MKNK1: variants seen among roughly 807,000 people sequenced by gnomAD.
MKNK1 encodes the protein MAP kinase-interacting serine/threonine-protein kinase 1.
MKNK1 carries 30 observed loss-of-function variants against 49.3 expected under a neutral mutation model. The observed-to-expected ratio is 0.61, with a 90% CI of 0.46 to 0.83. MKNK1 has a LOEUF of 0.83. Ranked by LOEUF, MKNK1 falls within the 40% of genes least tolerant of loss-of-function variation. The pLI, the probability that MKNK1 is intolerant of heterozygous loss-of-function variation, is 0.00. For missense variants in MKNK1, 423 were observed against 524.7 expected (o/e 0.81, Z 1.89); for synonymous variants, 176 against 201.7 (o/e 0.87, Z 1.08).
intron 9 of MKNK1, among the ~76,000 whole-genome samples, chr1:46,563,773 T>C (rs965014053): frequency 5.9e-5 from 9 of 152,006 alleles, no homozygotes; most frequent in Non-Finnish European, 1.5e-5. Context: ...GGGCCAGGCG[T>C]GGTGGCTCAC....
intron 2 of MKNK1, among the ~76,000 whole-genome samples, chr1:46,588,591 A>C (rs1283416177): frequency 6.6e-6 from 1 of 152,074 alleles, no homozygotes; most frequent in African/African-American, 2.4e-5. Flanking sequence ...GCGGATCACG[A>C]GGTCAGGAGA....
Position 46,587,742 on chromosome 1 carries a change from C to T in MKNK1, c.-2-4413G>A, listed in dbSNP as rs180728069. On this transcript the variant is annotated intron_variant, in intron 2 of 12. Transcript: ENST00000371945. ...TGAGGCAGGAGAATTGCTTGAACCC[C>T]GGAGGCGGAGGTTGCGGTGAACTGA... Among the ~76,000 whole-genome samples, 837 of 152,008 alleles carry T rather than the reference C, an allele frequency of 5.5e-3. 7 individuals carry two copies. The highest frequency in any genetic ancestry group is 0.032 in the East Asian group (167 of 5,170).
At chr1:46,603,096 G>C (rs565419571) in intron 1 of MKNK1, among the ~76,000 whole-genome samples, 1 of 152,282 alleles carries the variant, frequency 6.6e-6, no homozygotes, top group African/African-American at 2.4e-5. Flanking sequence ...GGGCAGAGGG[G>C]GCACCAAAGC....
rs1667299612 is a variant in MKNK1, at chr1:46,558,133, G to C, written c.*442C>G. Reference sequence around the variant, plus strand: ...GACATCCGGAGGACAGAGGAAGGTGGAAGGACCGCCAGAGGAGGGTGACAG... The same window carrying C: ...GACATCCGGAGGACAGAGGAAGGTGCAAGGACCGCCAGAGGAGGGTGACAG... On this transcript the variant is annotated 3_prime_UTR_variant, in exon 13 of 13. Coordinates refer to ENST00000371945, the MANE Select transcript of MKNK1 (RefSeq NM_001135553.4). 6.2e-6 allele frequency: 1 copy of C among 161,732 alleles called. No homozygotes were observed. The highest frequency in any genetic ancestry group is 1.4e-5 in the Non-Finnish European group (1 of 73,844). 10.0% of individuals were successfully genotyped at this position (161,732 alleles called of 1,614,324 possible).
Position 46,587,836 on chromosome 1 carries a change from A to G in MKNK1, c.-2-4507T>C, listed in dbSNP as rs137953118. Among the ~76,000 whole-genome samples, 1,358 of 152,264 alleles carry G rather than the reference A, an allele frequency of 8.9e-3. 9 individuals carry two copies. The highest frequency in any genetic ancestry group is 0.015 in the Non-Finnish European group (1,023 of 68,008). ...CCGTCTCAAAAAAAAAACAAAAAAT[A>G]CCCAATGATATACTTCACATAAATA... is the stretch of plus-strand genomic sequence containing the variant. On this transcript the variant is annotated intron_variant, in intron 2 of 12. Transcript: ENST00000371945.
intron 11 of MKNK1, 110 bp from the exon 12 acceptor site, chr1:46,560,387 G>T: frequency 8.6e-7 from 1 of 1,166,094 alleles, no homozygotes; most frequent in Non-Finnish European, 1.3e-6. Flanking sequence ...GCGCAGCACA[G>T]GGAAATGGCT....
rs1283594656 is a variant in MKNK1, at chr1:46,572,075, G to C, written c.445C>G (p.Leu149Val). 1 of 1,613,964 alleles carries C rather than the reference G, an allele frequency of 6.2e-7. No homozygotes were observed. The highest frequency in any genetic ancestry group is 8.5e-7 in the Non-Finnish European group (1 of 1,179,970). The change falls in exon 7 of 13, where the codon CTG becomes GTG. Residue 149 changes from leucine (L) to valine (V), a missense_variant. Physicochemically the swap from Leu to Val is conservative, Grantham distance 32 (BLOSUM62 1). Transcript: ENST00000371945. ...AGGCTGGGTTCACCTTTGGTATGCA[G>C]GAAGTCAAGGGCAGCAGCAACGTCC... ...VRDVAAALDF[L>V]HTKGIAHRDL...
At chr1:46,582,741 C>T (rs767418479) in intron 3 of MKNK1, 27 of 393,126 alleles carry the variant, frequency 6.9e-5, no homozygotes, top group African/African-American at 1.9e-4. Context: ...GAACACAACA[C>T]GTATTCTTTA....
At position 46,558,645 on chromosome 1, in the gene MKNK1, C is replaced by T. The variant is rs776962696; in HGVS notation, c.1169G>A (p.Arg390His). 30 of 1,613,964 alleles carry T rather than the reference C, an allele frequency of 1.9e-5. No homozygotes were observed. The highest frequency in any genetic ancestry group is 5.3e-5 in the African/African-American group (4 of 74,944). ...SMKLSPPCKS[R>H]LARRRALAQA... ...GGCCAGGGCCCGTCTCCGGGCCAGG[C>T]GTGACTTGCAGGGAGGGGAAAGCTT... The change falls in exon 13 of 13, where the codon CGC (arginine) becomes CAC (histidine). Residue 390 changes from arginine (R) to histidine (H), a missense_variant. By Grantham distance (29) the Arg-to-His change is conservative. Coordinates refer to ENST00000371945, the MANE Select transcript of MKNK1 (RefSeq NM_001135553.4).
chr1:46,579,589 C>G (rs1671457259), intron 4 of MKNK1, among the ~76,000 whole-genome samples: 1 of 152,218 alleles, frequency 6.6e-6, no homozygotes, highest in Admixed American at 6.5e-5. Flanking sequence ...AGTTTGTTAA[C>G]ATTTGTATTG....
chr1:46,577,679 G>A lies in MKNK1; in HGVS notation c.199-1025C>T, dbSNP rs1671176143. Among the ~76,000 whole-genome samples, 4 of 152,248 alleles carry A rather than the reference G, an allele frequency of 2.6e-5. No individual in the cohort carries two copies. The South Asian group carries it at 8.3e-4, about 32-fold the overall frequency. ...GACCTGGAGGCTTTGTCTCTCCTGT[G>A]ATACGGTGGGCTGCTCCCCCTCCAC... On this transcript the variant is annotated intron_variant, in intron 4 of 12. Coordinates refer to ENST00000371945, the MANE Select transcript of MKNK1 (RefSeq NM_001135553.4).
Position 46,558,584 on chromosome 1 carries a change from T to C in MKNK1, c.1230A>G (p.Thr410=), listed in dbSNP as rs1317840515. ...AGRGEDRSPP[T]AL The stretch of plus-strand genomic sequence containing the variant: ...GTGTGACTGGAGCATTTCAGAGTGC[T>C]GTGGGCGGGCTCCTGTCTTCACCAC... Residue 410 remains threonine, a synonymous_variant, in exon 13 of 13, where the codon ACA becomes ACG. Transcript: ENST00000371945. The C allele has an allele frequency of 6.2e-7, 1 of 1,609,026 alleles. No homozygotes were observed. Among genetic ancestry groups the C allele is most frequent in the South Asian group, 1.1e-5 (1 of 90,234 alleles).
At chr1:46,560,420 C>T in intron 11 of MKNK1, 143 bp from the exon 12 acceptor site, 1 of 854,266 alleles carries the variant, frequency 1.2e-6, no homozygotes, top group Non-Finnish European at 1.9e-6. Flanking sequence ...AGGGTCAGGC[C>T]TTCCAAGCAG....
At chr1:46,586,080 C>G (rs991718482) in intron 2 of MKNK1, 1 of 422,314 alleles carries the variant, frequency 2.4e-6, no homozygotes, top group Non-Finnish European at 4.5e-6. Context: ...ACCAAGGGGT[C>G]GCTAGTTGCC....
chr1:46,574,091 AG>A (rs1670603490), intron 6 of MKNK1: 1 of 152,252 alleles, frequency 6.6e-6, no homozygotes, highest in Non-Finnish European at 1.5e-5. Context: ...TAATATTAGC[AG>A]CCAACATTTA....
rs1258561513 is a variant in MKNK1, at chr1:46,591,799, G to A, written c.-3+2314C>T. ...TTTTCCTTGCTTTTCCTTGAGTCAG[G>A]TGCTATACTTTGGTTTGCCGCAGAA... On this transcript the variant is annotated intron_variant, in intron 2 of 12. Transcript: ENST00000371945. Among the ~76,000 whole-genome samples, 8 of 152,146 alleles carry A rather than the reference G, an allele frequency of 5.3e-5. No homozygotes were observed. The East Asian group carries it at 1.5e-3, about 29-fold the overall frequency.
intron 1 of MKNK1, among the ~76,000 whole-genome samples, chr1:46,599,993 C>T (rs1674533318): frequency 6.6e-6 from 1 of 152,054 alleles, no homozygotes; most frequent in African/African-American, 2.4e-5. Context: ...TCCCCTCCCA[C>T]AACACACACA....
intron 5 of MKNK1, 119 bp from the exon 6 acceptor site, chr1:46,575,139 A>C (rs966808581): frequency 1.6e-6 from 1 of 639,648 alleles, no homozygotes; most frequent in East Asian, 2.8e-5. Context: ...GCAGAAACCA[A>C]CTTGAAATCA....
At chr1:46,579,620 G>C (rs1367506755) in intron 4 of MKNK1, among the ~76,000 whole-genome samples, 1 of 152,188 alleles carries the variant, frequency 6.6e-6, no homozygotes, top group Non-Finnish European at 1.5e-5. Flanking sequence ...CCCTGTTTCT[G>C]AGTTGGTACT....
Sources: gnomAD v4.1 joint callset for allele counts (sites outside exome capture counted in the v4.1 genomes callset) on GRCh38, gnomAD v4.1.1 for gene constraint, MANE v1.5 for transcripts, NCBI Gene and HGNC (gene_info 2026-07-23, HGNC 2026-07-21) for gene names.